Variants in ECT2 observed in about 807,000 individuals in gnomAD.
ECT2 encodes protein ECT2.
ECT2 carries 61 observed loss-of-function variants against 116.9 expected under a neutral mutation model. That is an observed-to-expected ratio of 0.52 (90% CI 0.42 to 0.65). The LOEUF (loss-of-function observed/expected upper bound fraction) is 0.65. Ranked by LOEUF, ECT2 falls within the 30% of genes least tolerant of loss-of-function variation. The probability of loss-of-function intolerance (pLI) is 0.00; values close to 1 mark genes in which losing one functional copy is unlikely to be tolerated. For missense variants in ECT2, 937 were observed against 1,078.7 expected, an observed-to-expected ratio of 0.87 and a Z score of 1.84; for synonymous variants, 358 against 346.4, an observed-to-expected ratio of 1.03 and a Z score of -0.37.
intron 18 of ECT2, among the ~76,000 whole-genome samples, chr3:172,792,785 T>G (rs2108838862): frequency 6.6e-6 from 1 of 152,282 alleles, no homozygotes; most frequent in South Asian, 2.1e-4. Flanking sequence ...TGGTGTAATG[T>G]TGGCTCACTA....
At chr3:172,761,515 C>A in intron 7 of ECT2, 95 bp from the exon 8 acceptor site, 1 of 805,040 alleles carries the variant, frequency 1.2e-6, no homozygotes, top group Non-Finnish European at 2.1e-6. Context: ...AGATAGTGAT[C>A]TAAAACTGCA....
At chr3:172,768,418 A>G (rs1444243218) in intron 12 of ECT2, among the ~76,000 whole-genome samples, 1 of 152,194 alleles carries the variant, frequency 6.6e-6, no homozygotes, top group Non-Finnish European at 1.5e-5. Context: ...ACACGTGCAC[A>G]TGTATTTTTA....
Position 172,816,828 on chromosome 3 carries a change from A to G in ECT2, c.2646A>G (p.Ser882=), listed in dbSNP as rs747408551. 2 of 1,584,896 alleles carry G rather than the reference A, an allele frequency of 1.3e-6. No individual in the cohort carries two copies. Among genetic ancestry groups the G allele is most frequent in the South Asian group, 1.2e-5 (1 of 85,510 alleles). ...TAATGAGTCGTCTTTCTAGCACATC[A>G]TCATTAGCAGTAAGTTATTTTGATT... ...KHVMSRLSST[S]SLAGIPSPSL... is the part of the protein sequence containing the mutation. Residue 882 remains serine, a synonymous_variant, in exon 24 of 25, where the codon TCA becomes TCG. Transcript: ENST00000392692.
chr3:172,803,778 T>TTC (rs1727153743), intron 20 of ECT2, among the ~76,000 whole-genome samples: 2 of 151,956 alleles, frequency 1.3e-5, no homozygotes, highest in Admixed American at 1.3e-4. Context: ...TTCTTTCTCT[T>TTC]TCTCTGTTTC....
intron 8 of ECT2, 68 bp downstream of exon 8, chr3:172,761,751 T>A: frequency 8.5e-7 from 1 of 1,173,082 alleles, no homozygotes; most frequent in Non-Finnish European, 1.2e-6. Flanking sequence ...TAAATCCATG[T>A]GCTGAAAAAA....
In ECT2 at chr3:172,763,094, A is replaced by G. The variant is rs1328116142; in HGVS notation, c.1068+122A>G. ...TCAGAATGATTAAAACAATTGGGAT[A>G]TCAAGTTATCTTAGTCTATGTAGAT... is the stretch of plus-strand genomic sequence containing the variant. On this transcript the variant is annotated intron_variant, in intron 11 of 24. Coordinates refer to ENST00000392692, the MANE Select transcript of ECT2 (RefSeq NM_001258315.2). The G allele has an allele frequency of 3.2e-6, 3 of 948,870 alleles. No individual in the cohort carries two copies. The African/African-American group carries it at 5.0e-5, about 16-fold the overall frequency. 58.8% of individuals were successfully genotyped at this position (948,870 alleles called of 1,614,324 possible).
chr3:172,764,731 A>G (rs373533098), intron 12 of ECT2, among the ~76,000 whole-genome samples: 1 of 152,328 alleles, frequency 6.6e-6, no homozygotes, highest in African/African-American at 2.4e-5. Flanking sequence ...AATAGATTTT[A>G]TTATTCCTGT....
intron 12 of ECT2, among the ~76,000 whole-genome samples, chr3:172,767,071 AG>A (rs1310332274): frequency 6.6e-6 from 1 of 152,240 alleles, no homozygotes; most frequent in African/African-American, 2.4e-5. Flanking sequence ...GTAATGGCAG[AG>A]GCTTCTGGGT....
intron 18 of ECT2, among the ~76,000 whole-genome samples, chr3:172,789,903 T>C (rs1176208303): frequency 2.6e-5 from 4 of 152,216 alleles, no homozygotes; most frequent in Admixed American, 2.6e-4. Flanking sequence ...CCTTCTGCAA[T>C]TGAAATCTTG....
At chr3:172,807,431 G>C (rs1330092504) in intron 21 of ECT2, among the ~76,000 whole-genome samples, 1 of 152,066 alleles carries the variant, frequency 6.6e-6, no homozygotes, top group African/African-American at 2.4e-5. Flanking sequence ...GGCAGACTTT[G>C]TTTAAAATAG....
intron 23 of ECT2, among the ~76,000 whole-genome samples, chr3:172,816,169 T>A (rs1422065923): frequency 1.3e-5 from 2 of 152,154 alleles, no homozygotes; most frequent in Non-Finnish European, 2.9e-5. Flanking sequence ...TAGGCTTTTT[T>A]AAAGTAGCAC....
chr3:172,825,886 G>A (rs143552282), downstream of ECT2, among the ~76,000 whole-genome samples: 400 of 152,220 alleles, frequency 2.6e-3, 2 homozygotes, highest in African/African-American at 9.3e-3. Context: ...GGAAGAAAAC[G>A]CCATCTAAGA....
intron 22 of ECT2, among the ~76,000 whole-genome samples, chr3:172,814,153 G>A (rs1729275811): frequency 6.6e-6 from 1 of 152,004 alleles, no homozygotes; most frequent in Non-Finnish European, 1.5e-5. Context: ...GAGGGGATGT[G>A]GTTGTTCAAA....
intron 13 of ECT2, among the ~76,000 whole-genome samples, chr3:172,770,810 C>T (rs187004498): frequency 6.6e-6 from 1 of 151,730 alleles, no homozygotes; most frequent in Non-Finnish European, 1.5e-5. Flanking sequence ...AAGTACTGTG[C>T]TAAGTGTTAA....
At chr3:172,809,445 G>A (rs1728359254) in intron 22 of ECT2, among the ~76,000 whole-genome samples, 1 of 151,860 alleles carries the variant, frequency 6.6e-6, no homozygotes, top group African/African-American at 2.4e-5. Context: ...TAAGAAATAC[G>A]TTTGTAAATT....
chr3:172,793,901 G>GAT (rs1231769711), intron 18 of ECT2, among the ~76,000 whole-genome samples: 2 of 151,906 alleles, frequency 1.3e-5, no homozygotes, highest in Non-Finnish European at 2.9e-5. Context: ...TTTCTTTGAT[G>GAT]ATATGCCTGT....
chr3:172,795,343 A>T (rs1364594164), intron 18 of ECT2, among the ~76,000 whole-genome samples: 2 of 149,366 alleles, frequency 1.3e-5, no homozygotes, highest in South Asian at 2.1e-4. Flanking sequence ...AAAAAAAAAA[A>T]ATTTTCAAAA....
chr3:172,812,916 A>T (rs1165523025), intron 22 of ECT2, among the ~76,000 whole-genome samples: 1 of 152,182 alleles, frequency 6.6e-6, no homozygotes, highest in African/African-American at 2.4e-5. Context: ...ATCCATATAT[A>T]CAGTAGTATA....
intron 18 of ECT2, chr3:172,796,589 A>G (rs1725692153): frequency 6.6e-6 from 1 of 152,168 alleles, no homozygotes; most frequent in Non-Finnish European, 1.5e-5. Context: ...TTCGTCTTAC[A>G]TTTCTTCCTG....
Sources: gnomAD v4.1 joint callset for allele counts (sites outside exome capture counted in the v4.1 genomes callset) on GRCh38, gnomAD v4.1.1 for gene constraint, MANE v1.5 for transcripts, NCBI Gene and HGNC (gene_info 2026-07-23, HGNC 2026-07-21) for gene names.